Variants in DHX37 observed in about 807,000 individuals in gnomAD.
DHX37 encodes DEAH-box helicase 37.
In DHX37, 52 loss-of-function variants were observed where a neutral mutation model predicts 134.3. The observed-to-expected ratio is 0.39, with a 90% CI of 0.31 to 0.49. The LOEUF (loss-of-function observed/expected upper bound fraction) is 0.49, where lower values mean the gene tolerates loss of function less well. Among genes scored for constraint, DHX37 ranks in the 20% least tolerant of loss-of-function variants. DHX37 has a pLI of 0.93. For synonymous variants in DHX37, 634 were observed against 670.7 expected (o/e 0.95, Z 0.85); for missense variants, 1,344 against 1,580.8 (o/e 0.85, Z 2.54).
At chr12:124,952,750 C>T (rs1016380465) in intron 20 of DHX37, 180 bp from the exon 21 acceptor site, 3 of 471,688 alleles carry the variant, frequency 6.4e-6, no homozygotes, top group Admixed American at 8.0e-5. Context: ...TTGCAGCCGC[C>T]CCCCCATTCC....
intron 16 of DHX37, among the ~76,000 whole-genome samples, chr12:124,960,041 C>T (rs772781747): frequency 2.6e-5 from 4 of 152,218 alleles, no homozygotes; most frequent in Non-Finnish European, 2.9e-5. Flanking sequence ...ACGTTCTGCA[C>T]GCCCCACGGA....
chr12:124,966,772 C>T (rs755721471), intron 12 of DHX37, 21 bp downstream of exon 12: 8 of 1,613,726 alleles, frequency 5.0e-6, no homozygotes, highest in African/African-American at 1.3e-5. Flanking sequence ...CTCCAGGAGT[C>T]CCTGCCAGCC....
rs557229577 is a variant in DHX37 at position 124,949,296 on chromosome 12, C to T, written c.3290+690G>A. ...CTCGAGTCCCTGGCACCTGCCTGCA[C>T]CTTCAGGCCTGCCTCCAGTGCCCCA... On this transcript the variant is annotated intron_variant, in intron 25 of 26. Coordinates refer to ENST00000308736, the MANE Select transcript of DHX37 (RefSeq NM_032656.4). This position sits in a 1 kb window ranked among gnomAD's most constrained non-coding sequence, Gnocchi z 4.0. Among the ~76,000 whole-genome samples the T allele has an allele frequency of 1.3e-5, 2 of 152,330 alleles. No homozygotes were observed. The highest frequency in any genetic ancestry group is 4.1e-4 in the South Asian group (2 of 4,828).
rs1953929155 is a variant in DHX37 at position 124,949,337 on chromosome 12, G to T, written c.3290+649C>A. Among the ~76,000 whole-genome samples the T allele has an allele frequency of 6.6e-6, 1 of 152,178 alleles. No individual in the cohort carries two copies. The highest frequency in any genetic ancestry group is 1.5e-5 in the Non-Finnish European group (1 of 68,024). On this transcript the variant is annotated intron_variant, in intron 25 of 26. Coordinates refer to ENST00000308736, the MANE Select transcript of DHX37 (RefSeq NM_032656.4). The surrounding 1 kb of genome is among the most constrained non-coding windows in gnomAD (Gnocchi z 4.0). The stretch of plus-strand genomic sequence containing the variant: ...CAGTGCCCCAAGCCCCTGCACCATA[G>T]GCCCCACCAGCCCCAGGAAGGGGGA...
At chr12:124,975,652 A>G (rs2135960372) in intron 5 of DHX37, 141 bp from the exon 6 acceptor site, 1 of 803,830 alleles carries the variant, frequency 1.2e-6, no homozygotes, top group Non-Finnish European at 2.0e-6. Flanking sequence ...AGGTTGCACT[A>G]CTTTTAACAG....
At chr12:124,954,479 C>T (rs748814651) in intron 18 of DHX37, among the ~76,000 whole-genome samples, 7 of 150,826 alleles carry the variant, frequency 4.6e-5, no homozygotes, top group African/African-American at 1.2e-4. Flanking sequence ...CTGCAAGTTC[C>T]GCCTTCCGGG....
chr12:124,967,069 C>T (rs539507534), intron 11 of DHX37, 54 bp downstream of exon 11: 57 of 1,596,384 alleles, frequency 3.6e-5, no homozygotes, highest in African/African-American at 3.2e-4. Context: ...CCAGGGAGCG[C>T]GAGGCCAAGC....
chr12:124,969,380 G>A (rs1298872591), intron 8 of DHX37, among the ~76,000 whole-genome samples: 4 of 152,166 alleles, frequency 2.6e-5, no homozygotes, highest in African/African-American at 7.2e-5. Flanking sequence ...AATGCCTAAT[G>A]GCCTCATGGT....
At chr12:124,979,676 A>C (rs552296216) in intron 4 of DHX37, among the ~76,000 whole-genome samples, 6 of 152,352 alleles carry the variant, frequency 3.9e-5, no homozygotes, top group Non-Finnish European at 5.9e-5. Context: ...ATTCACAAAG[A>C]AAAGCAGGAA....
At chr12:124,972,374 C>T in intron 7 of DHX37, 129 bp downstream of exon 7, 1 of 910,984 alleles carries the variant, frequency 1.1e-6, no homozygotes, top group Non-Finnish European at 1.8e-6. Context: ...CACCCAAAGT[C>T]ACACAGCAGC....
chr12:124,978,442 T>C (rs1290905849), intron 4 of DHX37, among the ~76,000 whole-genome samples: 2 of 151,434 alleles, frequency 1.3e-5, no homozygotes, highest in Non-Finnish European at 2.9e-5. Flanking sequence ...CTCAGCCTCC[T>C]GAGTAGCTGG....
At chr12:124,979,788 C>T (rs1366746161) in intron 4 of DHX37, among the ~76,000 whole-genome samples, 1 of 152,244 alleles carries the variant, frequency 6.6e-6, no homozygotes, top group Non-Finnish European at 1.5e-5. Flanking sequence ...CCAGATGGCA[C>T]TGGGTGATGA....
intron 3 of DHX37, among the ~76,000 whole-genome samples, chr12:124,982,019 A>T (rs553358855): frequency 1.3e-5 from 2 of 150,732 alleles, no homozygotes; most frequent in East Asian, 4.1e-4. Context: ...GCTACTTGGG[A>T]GGCTGAGGCA....
At chr12:124,959,244 T>C (rs1287596496) in intron 16 of DHX37, among the ~76,000 whole-genome samples, 1 of 151,974 alleles carries the variant, frequency 6.6e-6, no homozygotes, top group African/African-American at 2.4e-5. Flanking sequence ...CAGCTAATTT[T>C]TTGTATCTTT....
intron 1 of DHX37, among the ~76,000 whole-genome samples, chr12:124,987,110 C>T (rs1022994711): frequency 6.6e-6 from 1 of 152,236 alleles, no homozygotes; most frequent in Non-Finnish European, 1.5e-5. Context: ...AATCCCAGCA[C>T]TTTGGGAAAA....
chr12:124,963,918 T>C (rs1314606706), intron 15 of DHX37, among the ~76,000 whole-genome samples: 7 of 136,304 alleles, frequency 5.1e-5, no homozygotes, highest in Non-Finnish European at 3.1e-5. Context: ...ACAGTGCGAG[T>C]AGGCCAGGCA....
Position 124,989,047 on chromosome 12 carries a change from C to G in DHX37, c.-25G>C, listed in dbSNP as rs746563917. On this transcript the variant is annotated 5_prime_UTR_variant, in exon 1 of 27. Transcript: ENST00000308736. ...TGGCGACTAGGCCAGGGTGGGCGCT[C>G]CAGCGGCCGGACCAGCAGAGCAATC... 1 of 1,327,416 alleles carries G rather than the reference C, an allele frequency of 7.5e-7. No individual in the cohort carries two copies. The highest frequency in any genetic ancestry group is 9.7e-7 in the Non-Finnish European group (1 of 1,031,294). 82.2% of individuals were successfully genotyped at this position (1,327,416 alleles called of 1,614,324 possible). A position where few individuals can be genotyped will look rare whatever the true frequency, so the allele number is the denominator to read the frequency against.
intron 6 of DHX37, 136 bp downstream of exon 6, chr12:124,975,283 C>T: frequency 1.2e-6 from 1 of 858,496 alleles, no homozygotes. Context: ...ACAATGATTC[C>T]CAGTGCTACA....
intron 5 of DHX37, among the ~76,000 whole-genome samples, chr12:124,976,875 T>C (rs1423579504): frequency 2.1e-5 from 3 of 145,152 alleles, no homozygotes; most frequent in Non-Finnish European, 4.6e-5. Context: ...AAAGAAACCC[T>C]GTCTCTACTA....
Sources: gnomAD v4.1 joint callset for allele counts (sites outside exome capture counted in the v4.1 genomes callset) on GRCh38, gnomAD v4.1.1 for gene constraint, Gnocchi (gnomAD v3.1) non-coding constraint, MANE v1.5 for transcripts, NCBI Gene and HGNC (gene_info 2026-07-23, HGNC 2026-07-21) for gene names.